Variants in ATRNL1 observed in about 807,000 individuals in gnomAD.
ATRNL1 encodes attractin like 1.
A neutral mutation model predicts 182.7 loss-of-function variants in ATRNL1; 95 were observed. The observed-to-expected ratio is 0.52, with a 90% CI of 0.44 to 0.62. The LOEUF (loss-of-function observed/expected upper bound fraction) is 0.62. ATRNL1 is among the 20% of genes least tolerant of loss of function. The probability of loss-of-function intolerance (pLI) is 0.00; values close to 1 mark genes in which losing one functional copy is unlikely to be tolerated. For missense variants in ATRNL1, 1,471 were observed against 1,679.5 expected, an observed-to-expected ratio of 0.88 and a Z score of 2.17; for synonymous variants, 576 against 568.3, an observed-to-expected ratio of 1.01 and a Z score of -0.19.
intron 24 of ATRNL1, among the ~76,000 whole-genome samples, chr10:115,474,206 C>T (rs1554972658): frequency 6.6e-6 from 1 of 151,266 alleles, no homozygotes; most frequent in Non-Finnish European, 1.5e-5. Context: ...TCCTTCATTT[C>T]TGAAGGGCAA....
chr10:115,189,075 T>C (rs1481963667), intron 8 of ATRNL1, among the ~76,000 whole-genome samples: 2 of 152,134 alleles, frequency 1.3e-5, no homozygotes, highest in Non-Finnish European at 2.9e-5. Flanking sequence ...GAATATATGA[T>C]GGAGGTCTCA....
chr10:115,738,125 GATTTTTTTT>G (rs1222544469), intron 27 of ATRNL1, among the ~76,000 whole-genome samples: 3 of 53,148 alleles, frequency 5.6e-5, no homozygotes, highest in African/African-American at 1.1e-4. Context: ...AGAAGATAAT[GATTTTTTTT>G]TTTTTTTTTT....
At chr10:115,799,290 G>C (rs1949735777) in intron 27 of ATRNL1, among the ~76,000 whole-genome samples, 1 of 152,056 alleles carries the variant, frequency 6.6e-6, no homozygotes, top group African/African-American at 2.4e-5. Flanking sequence ...AACACACCTG[G>C]CAATAATGCA....
chr10:115,275,600 A>G (rs1415599135), intron 13 of ATRNL1, among the ~76,000 whole-genome samples: 1 of 152,120 alleles, frequency 6.6e-6, no homozygotes, highest in Non-Finnish European at 1.5e-5. Context: ...GCCAACCTAG[A>G]TCCAATTATT....
intron 19 of ATRNL1, among the ~76,000 whole-genome samples, chr10:115,371,493 G>T (rs1554948037): frequency 6.6e-6 from 1 of 152,228 alleles, no homozygotes; most frequent in African/African-American, 2.4e-5. Flanking sequence ...GAGACATGGA[G>T]TCAAAGGAGA....
At chr10:115,184,483 T>C (rs1316271984) in intron 8 of ATRNL1, among the ~76,000 whole-genome samples, 1 of 151,636 alleles carries the variant, frequency 6.6e-6, no homozygotes, top group Non-Finnish European at 1.5e-5. Context: ...ATACATGTAC[T>C]ACTTTTTGTG....
intron 18 of ATRNL1, among the ~76,000 whole-genome samples, chr10:115,320,005 C>T (rs900208666): frequency 9.2e-5 from 14 of 151,724 alleles, no homozygotes; most frequent in Admixed American, 5.3e-4. Flanking sequence ...CTTTATATCT[C>T]GGTGTGTTTT....
At chr10:115,380,030 C>T (rs1225384183) in intron 19 of ATRNL1, among the ~76,000 whole-genome samples, 1 of 152,080 alleles carries the variant, frequency 6.6e-6, no homozygotes, top group East Asian at 1.9e-4. Flanking sequence ...CGGGGTTTCA[C>T]CCTGGTAGCC....
chr10:115,621,276 T>TATATATAGAGAGAGAGAGAGAG (rs1268020830), intron 26 of ATRNL1, among the ~76,000 whole-genome samples: 4 of 47,578 alleles, frequency 8.4e-5, no homozygotes, highest in African/African-American at 2.2e-4. Context: ...TATATATATA[T>TATATATAGAGAGAGAGAGAGAG]AGAGAGAGAG....
At chr10:115,153,275 T>C (rs1453975139) in intron 5 of ATRNL1, among the ~76,000 whole-genome samples, 3 of 152,194 alleles carry the variant, frequency 2.0e-5, no homozygotes, top group African/African-American at 7.2e-5. Flanking sequence ...TTGGTTGGAA[T>C]AGTTTCAGAA....
At chr10:115,407,672 T>C (rs1554958593) in intron 20 of ATRNL1, among the ~76,000 whole-genome samples, 1 of 152,236 alleles carries the variant, frequency 6.6e-6, no homozygotes, top group Non-Finnish European at 1.5e-5. Flanking sequence ...CTATTGCAAA[T>C]AGCATTGCAA....
At chr10:115,111,563 C>T (rs1158941857) in intron 1 of ATRNL1, among the ~76,000 whole-genome samples, 1 of 152,034 alleles carries the variant, frequency 6.6e-6, no homozygotes, top group Non-Finnish European at 1.5e-5. Context: ...AGCGGCCAGG[C>T]CCTTTTTCAT....
chr10:115,629,647 A>G (rs1592974302), intron 26 of ATRNL1, among the ~76,000 whole-genome samples: 1 of 152,166 alleles, frequency 6.6e-6, no homozygotes, highest in South Asian at 2.1e-4. Flanking sequence ...CAGAGAGTCA[A>G]GACTGAACTG....
chr10:115,192,738 T>G (rs1848216514), intron 8 of ATRNL1, among the ~76,000 whole-genome samples: 1 of 152,102 alleles, frequency 6.6e-6, no homozygotes, highest in Non-Finnish European at 1.5e-5. Flanking sequence ...TCTCTTCAAT[T>G]TCTTTCATCA....
At chr10:115,719,852 CCA>C (rs1947366327) in intron 26 of ATRNL1, among the ~76,000 whole-genome samples, 1 of 147,760 alleles carries the variant, frequency 6.8e-6, no homozygotes, top group Non-Finnish European at 1.5e-5. Flanking sequence ...ATCCACCCCC[CCA>C]CACACTCTTT....
intron 27 of ATRNL1, among the ~76,000 whole-genome samples, chr10:115,800,121 G>A (rs1480279428): frequency 6.6e-6 from 1 of 151,904 alleles, no homozygotes; most frequent in Non-Finnish European, 1.5e-5. Context: ...TCAGGAAGCT[G>A]AGGCAGGAGA....
chr10:115,881,616 A>G (rs117220012), intron 28 of ATRNL1, among the ~76,000 whole-genome samples: 4,474 of 152,288 alleles, frequency 0.029, 108 homozygotes, highest in Non-Finnish European at 0.046. Context: ...CTGTAGTTCA[A>G]AAACCAAAAG....
chr10:115,591,662 C>T (rs1366358966), intron 26 of ATRNL1, among the ~76,000 whole-genome samples: 2 of 152,180 alleles, frequency 1.3e-5, no homozygotes, highest in Non-Finnish European at 2.9e-5. Context: ...GTGTAGCTTT[C>T]TCAACCTTTC....
At chr10:115,853,022 A>C (rs1419789241) in intron 28 of ATRNL1, among the ~76,000 whole-genome samples, 1 of 152,176 alleles carries the variant, frequency 6.6e-6, no homozygotes, top group African/African-American at 2.4e-5. Context: ...ACCATGGGCA[A>C]GTCTTTCAGT....
Sources: gnomAD v4.1 joint callset for allele counts (sites outside exome capture counted in the v4.1 genomes callset) on GRCh38, gnomAD v4.1.1 for gene constraint, MANE v1.5 for transcripts, NCBI Gene and HGNC (gene_info 2026-07-23, HGNC 2026-07-21) for gene names.